The following MX2 variants were observed in gnomAD, a reference collection of about 807,000 sequenced individuals.
MX2 encodes MX dynamin like GTPase 2.
In MX2, 51 loss-of-function variants were observed where a neutral mutation model predicts 74.0. The observed-to-expected ratio is 0.69, with a 90% CI of 0.55 to 0.87. The LOEUF is 0.87. MX2 is among the 40% of genes least tolerant of loss of function. The probability of loss-of-function intolerance (pLI) is 0.00; values close to 1 mark genes in which losing one functional copy is unlikely to be tolerated. For synonymous variants in MX2, 369 were observed against 339.3 expected, an observed-to-expected ratio of 1.09 and a Z score of -0.96; for missense variants, 832 against 908.7, an observed-to-expected ratio of 0.92 and a Z score of 1.09.
intron 1 of MX2, 36 bp from the exon 2 acceptor site, chr21:41,376,800 G>A (rs950193971): frequency 6.6e-7 from 1 of 1,519,002 alleles, no homozygotes; most frequent in Non-Finnish European, 8.9e-7. Context: ...GACTTCTGGT[G>A]ACCTGTGGGC....
At chr21:41,369,787 T>C (rs1568930801) in intron 1 of MX2, among the ~76,000 whole-genome samples, 1 of 151,890 alleles carries the variant, frequency 6.6e-6, no homozygotes, top group Admixed American at 6.6e-5. Context: ...GTCACTCTCC[T>C]CCCTCCACAA....
Position 41,403,295 on chromosome 21 carries a change from G to A in MX2, c.1602G>A (p.Val534=), listed in dbSNP as rs755212191. 1 of 1,612,480 alleles carries A rather than the reference G, an allele frequency of 6.2e-7. No homozygotes were observed. The highest frequency in any genetic ancestry group is 1.7e-5 in the Admixed American group (1 of 59,888). The change falls in exon 12 of 14, where the codon GTG becomes GTA. Residue 534 remains valine (V), a synonymous_variant. Coordinates refer to ENST00000330714, the MANE Select transcript of MX2 (RefSeq NM_002463.2). ...MEIIQQAFIN[V]AKKHFGEFFN... The stretch of plus-strand genomic sequence containing the variant: ...TTATCCAGCAAGCTTTCATTAACGT[G>A]GCCAAAAAACATTTTGGCGAATTTT...
In MX2 at chr21:41,380,546, C is replaced by A. The variant is rs555084015; in HGVS notation, c.577+395C>A. The stretch of plus-strand genomic sequence containing the variant: ...TTTGGATCTCAGGTCACCTGCGCCC[C>A]CTTTGGAAATGCTGCTGCAGGACCC... On this transcript the variant is annotated intron_variant, in intron 4 of 13. Transcript: ENST00000330714. This position sits in a 1 kb window ranked among gnomAD's most constrained non-coding sequence, Gnocchi z 4.3. Among the ~76,000 whole-genome samples, 2 of 152,180 alleles carry A rather than the reference C, an allele frequency of 1.3e-5. No homozygotes were observed. The highest frequency in any genetic ancestry group is 2.9e-5 in the Non-Finnish European group (2 of 68,032).
chr21:41,374,475 G>A (rs941848959), intron 1 of MX2, among the ~76,000 whole-genome samples: 5 of 152,204 alleles, frequency 3.3e-5, no homozygotes, highest in African/African-American at 7.2e-5. Context: ...GAGCAGGGAC[G>A]GGGAAGGCCC....
chr21:41,395,633 C>T lies in MX2; in HGVS notation c.918C>T (p.Ser306=), dbSNP rs376885082. Residue 306 remains serine (S), a synonymous_variant, in exon 7 of 14, where the codon AGC becomes AGT. Coordinates refer to ENST00000330714, the MANE Select transcript of MX2 (RefSeq NM_002463.2). ...PDLMDRGTEK[S]VMNVVRNLTY... is the part of the protein sequence containing the mutation. ...TAATGGACAGGGGCACTGAGAAAAGCGTCATGAATGTGGTGCGGAACCTCA... is the reference window on the plus strand; with the variant it reads ...TAATGGACAGGGGCACTGAGAAAAGTGTCATGAATGTGGTGCGGAACCTCA... 1.7e-5 allele frequency: 27 copies of T among 1,614,036 alleles called. No homozygotes were observed. Among genetic ancestry groups the T allele is most frequent in the Non-Finnish European group, 2.0e-5 (24 of 1,180,044 alleles).
chr21:41,376,959 C>T lies in MX2; in HGVS notation c.53C>T (p.Ser18Phe), dbSNP rs754295506. 3.6e-5 allele frequency: 58 copies of T among 1,613,958 alleles called. No individual in the cohort carries two copies. The Middle Eastern group carries it at 4.9e-4, about 14-fold the overall frequency. Residue 18 changes from serine to phenylalanine, a missense_variant, in exon 2 of 14, where the codon TCT (serine) becomes TTT (phenylalanine). By Grantham distance (155) the Ser-to-Phe change is radical (BLOSUM62 -2). Transcript: ENST00000330714. ...WPYRRRSQFS[S>F]RKYLKKEMNS... The stretch of plus-strand genomic sequence containing the variant: ...TACCGGAGGAGAAGTCAATTTTCTT[C>T]TCGAAAATACCTGAAAAAAGAAATG...
chr21:41,384,873 G>A (rs1372510068), intron 5 of MX2, among the ~76,000 whole-genome samples: 1 of 151,690 alleles, frequency 6.6e-6, no homozygotes, highest in East Asian at 1.9e-4. Flanking sequence ...AACTAATTAG[G>A]AATAAAATGC....
chr21:41,389,981 C>A (rs1389170716), intron 5 of MX2: 1 of 152,616 alleles, frequency 6.6e-6, no homozygotes, highest in Non-Finnish European at 1.5e-5. Flanking sequence ...TTTGATTGAA[C>A]TAGACCCCTT....
At position 41,395,797 on chromosome 21, in the gene MX2, C is replaced by T; in HGVS notation, c.1070+12C>T. 6.2e-7 allele frequency: 1 copy of T among 1,613,424 alleles called. No individual in the cohort carries two copies. ...CATCCATATTTCAGGTGAGACTCTTCAGGAAAGCTCTGGAATTAGACTCCA... is the reference window on the plus strand; with the variant it reads ...CATCCATATTTCAGGTGAGACTCTTTAGGAAAGCTCTGGAATTAGACTCCA... On this transcript the variant is annotated intron_variant, in intron 7 of 13. Coordinates refer to ENST00000330714, the MANE Select transcript of MX2 (RefSeq NM_002463.2).
chr21:41,365,203 A>ATTTG (rs3037008), intron 1 of MX2: 13,304 of 151,048 alleles, frequency 0.088, 658 homozygotes, highest in Middle Eastern at 0.17. Flanking sequence ...AAACAGGAAA[A>ATTTG]TTTGTTTGTT....
At chr21:41,393,110 C>CAAAAAAAAAAAAAAAAAAAAAAAAAAA (rs373955778) in intron 6 of MX2, among the ~76,000 whole-genome samples, 2 of 60,086 alleles carry the variant, frequency 3.3e-5, no homozygotes, top group Admixed American at 2.5e-4. Context: ...CTCAAAAAAG[C>CAAAAAAAAAAAAAAAAAAAAAAAAAAA]AAAAAAAAAA....
At chr21:41,404,927 C>T (rs189525349) in intron 12 of MX2, 14 of 149,864 alleles carry the variant, frequency 9.3e-5, no homozygotes, top group Admixed American at 7.3e-4. Context: ...ACAAACAAAC[C>T]AGCACCTGTG....
At chr21:41,395,894 TATA>T in intron 7 of MX2, 109 bp downstream of exon 7, 1 of 1,075,946 alleles carries the variant, frequency 9.3e-7, no homozygotes, top group Non-Finnish European at 1.4e-6. Context: ...CACAAGGTAG[TATA>T]ACCTAGCCTC....
intron 4 of MX2, among the ~76,000 whole-genome samples, chr21:41,381,633 C>T (rs953416482): frequency 5.5e-5 from 8 of 144,314 alleles, no homozygotes; most frequent in South Asian, 2.2e-4. Flanking sequence ...TTCAGTGAGC[C>T]GAGATCGTGC....
At chr21:41,391,175 G>A (rs1158694041) in intron 6 of MX2, among the ~76,000 whole-genome samples, 1 of 152,062 alleles carries the variant, frequency 6.6e-6, no homozygotes, top group African/African-American at 2.4e-5. Flanking sequence ...GAGGACTGAA[G>A]TAGGTAATAT....
chr21:41,377,788 G>A lies in MX2; in HGVS notation c.250-1G>A. ...AGTGGCATCTGTTCTGCCTTCTCCA[G>A]GGGCCCGAGAACAACCTGTACAGCC... On this transcript the variant is annotated splice_acceptor_variant, in intron 2 of 13. Transcript: ENST00000330714. LOFTEE classifies it high-confidence loss of function. 6.2e-7 allele frequency: 1 copy of A among 1,607,196 alleles called. No homozygotes were observed. Among genetic ancestry groups the A allele is most frequent in the Non-Finnish European group, 8.5e-7 (1 of 1,174,510 alleles).
At chr21:41,395,320 G>A (rs2089720026) in intron 6 of MX2, among the ~76,000 whole-genome samples, 1 of 152,214 alleles carries the variant, frequency 6.6e-6, no homozygotes, top group African/African-American at 2.4e-5. Context: ...TGCTGCCTTA[G>A]TGCTGGGCAC....
At chr21:41,383,435 C>T (rs909822630) in intron 5 of MX2, among the ~76,000 whole-genome samples, 1 of 152,222 alleles carries the variant, frequency 6.6e-6, no homozygotes, top group Non-Finnish European at 1.5e-5. Context: ...CAAATGTGGT[C>T]CAGGAAAACT....
chr21:41,369,738 G>A (rs1362386923), intron 1 of MX2, among the ~76,000 whole-genome samples: 1 of 152,112 alleles, frequency 6.6e-6, no homozygotes, highest in Non-Finnish European at 1.5e-5. Context: ...CACCCTGCAT[G>A]GGGGATGATG....
Sources: allele counts gnomAD v4.1 joint callset (sites outside exome capture counted in the v4.1 genomes callset), GRCh38; gene constraint gnomAD v4.1.1; non-coding constraint Gnocchi (gnomAD v3.1); transcripts MANE v1.5; gene names NCBI Gene and HGNC (gene_info 2026-07-23, HGNC 2026-07-21).